The following DCC variants were observed in gnomAD, a reference collection of about 807,000 sequenced individuals.
The protein encoded by DCC is netrin receptor DCC.
In DCC, 58 loss-of-function variants were observed where a neutral mutation model predicts 172.5. That is an observed-to-expected ratio of 0.34 (90% CI 0.27 to 0.42). The LOEUF (loss-of-function observed/expected upper bound fraction) is 0.42, where lower values mean the gene tolerates loss of function less well. Among genes scored for constraint, DCC ranks in the 10% least tolerant of loss-of-function variants. DCC has a pLI of 1.00. For synonymous variants in DCC, 709 were observed against 644.5 expected (o/e 1.10, Z -1.52); for missense variants, 1,740 against 1,791.0 (o/e 0.97, Z 0.51).
At chr18:53,447,586 A>T (rs1207574523) in intron 22 of DCC, among the ~76,000 whole-genome samples, 1 of 152,204 alleles carries the variant, frequency 6.6e-6, no homozygotes, top group Non-Finnish European at 1.5e-5. Flanking sequence ...CCATGCTTTT[A>T]AAAATGTTGA....
chr18:52,938,309 T>C (rs945104279), intron 5 of DCC, among the ~76,000 whole-genome samples: 15 of 152,126 alleles, frequency 9.9e-5, no homozygotes, highest in African/African-American at 3.1e-4. Flanking sequence ...TCACAGCATA[T>C]GTGATCATGA....
At chr18:53,518,423 T>A (rs934940280) in intron 27 of DCC, among the ~76,000 whole-genome samples, 4 of 152,092 alleles carry the variant, frequency 2.6e-5, no homozygotes, top group Admixed American at 6.6e-5. Context: ...AAAAATTATT[T>A]TACATGGGAA....
At chr18:53,019,291 T>C (rs930847232) in intron 5 of DCC, among the ~76,000 whole-genome samples, 5 of 152,188 alleles carry the variant, frequency 3.3e-5, no homozygotes, top group African/African-American at 1.2e-4. Flanking sequence ...ATATGGTTCA[T>C]AGACATTTAA....
At chr18:52,857,463 C>T (rs1018024924) in intron 2 of DCC, among the ~76,000 whole-genome samples, 1 of 151,942 alleles carries the variant, frequency 6.6e-6, no homozygotes, top group Non-Finnish European at 1.5e-5. Flanking sequence ...TAATTTCTAA[C>T]CATTAAGATT....
At chr18:52,977,115 T>C (rs954296037) in intron 5 of DCC, among the ~76,000 whole-genome samples, 3 of 152,156 alleles carry the variant, frequency 2.0e-5, no homozygotes, top group Non-Finnish European at 4.4e-5. Context: ...CAGAAAAATC[T>C]CCTTTTCTGT....
intron 27 of DCC, among the ~76,000 whole-genome samples, chr18:53,511,514 A>C (rs1249275129): frequency 6.6e-6 from 1 of 152,246 alleles, no homozygotes; most frequent in Non-Finnish European, 1.5e-5. Flanking sequence ...AGAGACGCAG[A>C]AGACGGGTGA....
At chr18:52,968,137 C>T (rs1356418212) in intron 5 of DCC, among the ~76,000 whole-genome samples, 3 of 152,090 alleles carry the variant, frequency 2.0e-5, no homozygotes, top group Non-Finnish European at 2.9e-5. Flanking sequence ...AATTTAATAA[C>T]GCAAAGTTCC....
At chr18:53,165,711 A>AT (rs1235330423) in intron 8 of DCC, among the ~76,000 whole-genome samples, 1 of 152,234 alleles carries the variant, frequency 6.6e-6, no homozygotes, top group Non-Finnish European at 1.5e-5. Flanking sequence ...AATGTCATAT[A>AT]TAAATGAGCA....
rs73465103 is a variant in DCC, at chr18:53,056,045, T to A, written c.986-7260T>A. ...CATGGAAGCTTGTATTTATAAAGAA[T>A]ATTTTTCCTCTTAGGTGTATTAGTC... is the stretch of plus-strand genomic sequence containing the variant. On this transcript the variant is annotated intron_variant, in intron 5 of 28. Coordinates refer to ENST00000442544, the MANE Select transcript of DCC (RefSeq NM_005215.4). Among the ~76,000 whole-genome samples, 217 of 152,194 alleles carry A rather than the reference T, an allele frequency of 1.4e-3. 2 individuals carry two copies. The highest frequency in any genetic ancestry group is 5.1e-3 in the African/African-American group (213 of 41,568).
intron 5 of DCC, among the ~76,000 whole-genome samples, chr18:52,925,913 C>G (rs1260496068): frequency 6.6e-6 from 1 of 151,584 alleles, no homozygotes; most frequent in African/African-American, 2.4e-5. Flanking sequence ...TTGAGGGGTT[C>G]ATTATATTCC....
chr18:53,265,240 T>C (rs967366466), intron 12 of DCC, among the ~76,000 whole-genome samples: 1 of 152,206 alleles, frequency 6.6e-6, no homozygotes, highest in African/African-American at 2.4e-5. Context: ...CCTGGTTCAG[T>C]ATTACAGCAC....
intron 4 of DCC, among the ~76,000 whole-genome samples, chr18:52,924,436 T>A (rs992168576): frequency 6.6e-6 from 1 of 152,078 alleles, no homozygotes; most frequent in Non-Finnish European, 1.5e-5. Context: ...GCTTCAACTA[T>A]ATCGCTCATA....
At chr18:52,342,621 G>C (rs1304556635) in intron 1 of DCC, among the ~76,000 whole-genome samples, 1 of 152,172 alleles carries the variant, frequency 6.6e-6, no homozygotes, top group Non-Finnish European at 1.5e-5. Context: ...TATGCGGACG[G>C]GAAAGGGGAA....
At chr18:53,165,080 C>T (rs986628718) in intron 8 of DCC, among the ~76,000 whole-genome samples, 1 of 152,142 alleles carries the variant, frequency 6.6e-6, no homozygotes, top group Non-Finnish European at 1.5e-5. Flanking sequence ...AGAATTAAAA[C>T]AATTTTATGA....
chr18:53,137,956 C>G (rs1026592575), intron 7 of DCC, among the ~76,000 whole-genome samples: 1 of 151,598 alleles, frequency 6.6e-6, no homozygotes, highest in Non-Finnish European at 1.5e-5. Flanking sequence ...GCTGGGACTA[C>G]TGGTGCATGC....
intron 9 of DCC, among the ~76,000 whole-genome samples, chr18:53,181,976 A>C (rs2055205174): frequency 6.6e-6 from 1 of 152,208 alleles, no homozygotes; most frequent in African/African-American, 2.4e-5. Context: ...ATCCAGTTAC[A>C]ATGACAGCCA....
intron 7 of DCC, among the ~76,000 whole-genome samples, chr18:53,104,744 G>T (rs530329026): frequency 6.6e-6 from 1 of 152,140 alleles, no homozygotes; most frequent in African/African-American, 2.4e-5. Flanking sequence ...CAATGAGTAA[G>T]CTGCAGAGTT....
intron 23 of DCC, among the ~76,000 whole-genome samples, chr18:53,452,217 G>T (rs1568141060): frequency 6.6e-6 from 1 of 152,204 alleles, no homozygotes; most frequent in East Asian, 1.9e-4. Flanking sequence ...AAGGCAGCAG[G>T]TCTCTGAAGC....
chr18:52,612,709 G>A (rs971934488), intron 1 of DCC, among the ~76,000 whole-genome samples: 1 of 151,992 alleles, frequency 6.6e-6, no homozygotes, highest in African/African-American at 2.4e-5. Flanking sequence ...TGTATTGTAT[G>A]CTCTGCATTT....
Sources: allele counts gnomAD v4.1 joint callset (sites outside exome capture counted in the v4.1 genomes callset), GRCh38; gene constraint gnomAD v4.1.1; transcripts MANE v1.5; gene names NCBI Gene and HGNC (gene_info 2026-07-23, HGNC 2026-07-21).